Variants in PUM2 observed in about 807,000 individuals in gnomAD.
The protein encoded by PUM2 is pumilio homolog 2.
In PUM2, 57 loss-of-function variants were observed where a neutral mutation model predicts 124.5. The observed-to-expected ratio is 0.46, with a 90% confidence interval of 0.37 to 0.57. The LOEUF (loss-of-function observed/expected upper bound fraction) is 0.57, where lower values mean the gene tolerates loss of function less well. PUM2 is among the 20% of genes least tolerant of loss of function. The pLI is 0.00. For synonymous variants in PUM2, 460 were observed against 446.1 expected (o/e 1.03, Z -0.39); for missense variants, 1,065 against 1,290.6 (o/e 0.83, Z 2.68).
chr2:20,311,747 C>T, intron 4 of PUM2, 84 bp from the exon 5 acceptor site: 3 of 1,290,244 alleles, frequency 2.3e-6, no homozygotes, highest in Non-Finnish European at 3.2e-6. Flanking sequence ...CACTACACTA[C>T]AGTGCATGTA....
At chr2:20,254,486 C>T (rs1241352727) in intron 19 of PUM2, among the ~76,000 whole-genome samples, 6 of 152,112 alleles carry the variant, frequency 3.9e-5, no homozygotes, top group Non-Finnish European at 7.4e-5. Context: ...AAATTGGTAT[C>T]TTGGAACAAC....
intron 1 of PUM2, among the ~76,000 whole-genome samples, chr2:20,328,967 T>C (rs1001476360): frequency 3.3e-5 from 5 of 151,990 alleles, no homozygotes; most frequent in Middle Eastern, 3.4e-3. Flanking sequence ...AGCCCAGGAA[T>C]TGAGACCAGC....
intron 1 of PUM2, among the ~76,000 whole-genome samples, chr2:20,329,098 A>G (rs1313278033): frequency 6.6e-6 from 1 of 150,892 alleles, no homozygotes; most frequent in Non-Finnish European, 1.5e-5. Context: ...TTGAGCCTGG[A>G]AGGTCAAGGC....
In PUM2 at chr2:20,318,648, A is replaced by G. The variant is rs1230964265; in HGVS notation, c.52-3T>C. The G allele has an allele frequency of 1.9e-6, 3 of 1,597,638 alleles. No homozygotes were observed. The South Asian group carries it at 3.3e-5, about 18-fold the overall frequency. ...CAAAACTTTTTGGTAGGCAAAAGCTATTTGGAGGAAAAATTACAGTTAAAT... is the reference window on the plus strand; with the variant it reads ...CAAAACTTTTTGGTAGGCAAAAGCTGTTTGGAGGAAAAATTACAGTTAAAT... On this transcript the variant is annotated splice_region_variant and splice_polypyrimidine_tract_variant and intron_variant, in intron 2 of 20. Transcript: ENST00000361078.
At chr2:20,304,544 T>C (rs1202736746) in intron 7 of PUM2, among the ~76,000 whole-genome samples, 1 of 152,258 alleles carries the variant, frequency 6.6e-6, no homozygotes, top group African/African-American at 2.4e-5. Context: ...ATGCATCATC[T>C]AATAACCATT....
chr2:20,305,267 T>G (rs1677940019), intron 7 of PUM2, among the ~76,000 whole-genome samples: 1 of 152,036 alleles, frequency 6.6e-6, no homozygotes, highest in African/African-American at 2.4e-5. Context: ...GGTGGATTAC[T>G]TGAGCCCAGG....
chr2:20,264,429 G>A (rs1221810975), intron 13 of PUM2, among the ~76,000 whole-genome samples: 3 of 105,662 alleles, frequency 2.8e-5, no homozygotes, highest in African/African-American at 3.6e-5. Flanking sequence ...ACAAACAATA[G>A]TATTAATAAA....
intron 13 of PUM2, among the ~76,000 whole-genome samples, chr2:20,264,720 G>T (rs532511349): frequency 6.6e-6 from 1 of 152,198 alleles, no homozygotes; most frequent in African/African-American, 2.4e-5. Flanking sequence ...AATCTATGCA[G>T]AGTAGTACTA....
intron 1 of PUM2, chr2:20,350,076 T>C (rs574474691): frequency 1.3e-5 from 2 of 152,364 alleles, no homozygotes; most frequent in South Asian, 4.1e-4. Flanking sequence ...TCCTATAACC[T>C]AAACAAGGCG....
intron 1 of PUM2, among the ~76,000 whole-genome samples, chr2:20,332,400 A>C (rs1685113309): frequency 6.7e-6 from 1 of 150,144 alleles, no homozygotes. Context: ...TAGTAGAGTA[A>C]AAAGACTTAA....
At position 20,260,835 on chromosome 2, in the gene PUM2, T is replaced by A. The variant is rs535724703; in HGVS notation, c.2226-369A>T. ...TAAAGGAAACCCTTAGAAGTAAAATTCATCCAACATGAATGAATTCCTAAG... is the reference window on the plus strand; with the variant it reads ...TAAAGGAAACCCTTAGAAGTAAAATACATCCAACATGAATGAATTCCTAAG... On this transcript the variant is annotated intron_variant, in intron 14 of 20. Transcript: ENST00000361078. 1.7e-4 allele frequency among the ~76,000 whole-genome samples: 26 copies of A among 152,252 alleles called. No homozygotes were observed. In the South Asian group the frequency reaches 5.2e-3, roughly 30 times the overall value.
At chr2:20,274,955 TCC>T (rs1669857724) in intron 13 of PUM2, among the ~76,000 whole-genome samples, 1 of 458 alleles carries the variant, frequency 2.2e-3, no homozygotes, top group Non-Finnish European at 6.3e-3. Flanking sequence ...GTGAAGTATC[TCC>T]AAAAAAAAAA....
intron 12 of PUM2, among the ~76,000 whole-genome samples, chr2:20,279,830 TTC>T (rs1443131558): frequency 6.6e-6 from 1 of 152,124 alleles, no homozygotes; most frequent in East Asian, 1.9e-4. Flanking sequence ...AAACTCTCAG[TTC>T]TCAAGTCTCA....
intron 1 of PUM2, among the ~76,000 whole-genome samples, chr2:20,337,927 C>A (rs1161015164): frequency 6.6e-6 from 1 of 152,124 alleles, no homozygotes; most frequent in Non-Finnish European, 1.5e-5. Context: ...CACTATAATC[C>A]AGCAAAGTCA....
chr2:20,330,053 C>A (rs1684576983), intron 1 of PUM2, among the ~76,000 whole-genome samples: 1 of 151,000 alleles, frequency 6.6e-6, no homozygotes, highest in African/African-American at 2.4e-5. Context: ...CCCTGAAAAT[C>A]AAAGAGAAAA....
At chr2:20,271,996 T>C (rs1244708834) in intron 13 of PUM2, among the ~76,000 whole-genome samples, 1 of 152,042 alleles carries the variant, frequency 6.6e-6, no homozygotes, top group Non-Finnish European at 1.5e-5. Flanking sequence ...CCGTCTCTAC[T>C]AAAAATACAG....
At chr2:20,298,341 T>A (rs1267470656) in intron 7 of PUM2, among the ~76,000 whole-genome samples, 4 of 152,128 alleles carry the variant, frequency 2.6e-5, no homozygotes, top group African/African-American at 9.7e-5. Flanking sequence ...TAGTTTGGAT[T>A]TTACCCTCCA....
At chr2:20,310,104 T>C (rs560705541) in intron 5 of PUM2, among the ~76,000 whole-genome samples, 1 of 152,214 alleles carries the variant, frequency 6.6e-6, no homozygotes, top group African/African-American at 2.4e-5. Flanking sequence ...AATGTATATA[T>C]TGATGACATA....
chr2:20,311,369 C>A, intron 5 of PUM2, 125 bp downstream of exon 5: 5 of 1,128,288 alleles, frequency 4.4e-6, no homozygotes, highest in Non-Finnish European at 3.6e-6. Context: ...AAAATTTGTC[C>A]AGATTAACAC....
Sources: gnomAD v4.1 joint callset for allele counts (sites outside exome capture counted in the v4.1 genomes callset) on GRCh38, gnomAD v4.1.1 for gene constraint, MANE v1.5 for transcripts, NCBI Gene and HGNC (gene_info 2026-07-23, HGNC 2026-07-21) for gene names.